KCNH1: variants seen among roughly 807,000 people sequenced by gnomAD.
KCNH1 encodes the protein voltage-gated delayed rectifier potassium channel KCNH1.
In KCNH1, 27 loss-of-function variants were observed where a neutral mutation model predicts 69.2. The observed-to-expected ratio is 0.39, with a 90% CI of 0.29 to 0.54. The LOEUF (loss-of-function observed/expected upper bound fraction) is 0.54. KCNH1 is among the 20% of genes least tolerant of loss of function. The pLI is 0.68. For synonymous variants in KCNH1, 456 were observed against 487.7 expected, an observed-to-expected ratio of 0.93 and a Z score of 0.86; for missense variants, 798 against 1,261.6, an observed-to-expected ratio of 0.63 and a Z score of 5.57.
intron 7 of KCNH1, among the ~76,000 whole-genome samples, chr1:210,893,100 A>G (rs940417852): frequency 2.6e-5 from 4 of 152,166 alleles, no homozygotes; most frequent in African/African-American, 7.2e-5. Flanking sequence ...CAGAAAGGCT[A>G]GTGTTCTTCA....
intron 10 of KCNH1, among the ~76,000 whole-genome samples, chr1:210,763,813 C>T (rs934499586): frequency 2.0e-5 from 3 of 152,046 alleles, no homozygotes; most frequent in African/African-American, 4.8e-5. Context: ...ACAGATTCAA[C>T]ACTATTCCTA....
intron 6 of KCNH1, among the ~76,000 whole-genome samples, chr1:210,961,479 C>T (rs945796672): frequency 6.6e-6 from 1 of 152,050 alleles, no homozygotes; most frequent in Non-Finnish European, 1.5e-5. Flanking sequence ...CTGATGAGTC[C>T]TTTTTATATC....
chr1:210,847,560 T>G (rs1685584606), intron 7 of KCNH1, among the ~76,000 whole-genome samples: 2 of 126,462 alleles, frequency 1.6e-5, no homozygotes, highest in African/African-American at 3.0e-5. Context: ...AAGGAGAACA[T>G]CACACAACGG....
chr1:210,872,227 C>T (rs1034905242), intron 7 of KCNH1, among the ~76,000 whole-genome samples: 6 of 149,256 alleles, frequency 4.0e-5, no homozygotes, highest in African/African-American at 1.2e-4. Flanking sequence ...ATGGTAAATG[C>T]TTAATAATTG....
intron 10 of KCNH1, among the ~76,000 whole-genome samples, chr1:210,714,025 T>A (rs1036479927): frequency 2.0e-5 from 3 of 152,156 alleles, no homozygotes; most frequent in Admixed American, 2.0e-4. Context: ...CATTTTTTTC[T>A]AACCTACGGG....
rs1364110169 is a variant in KCNH1, at chr1:210,683,721, A to G, written c.2530T>C (p.Cys844Arg). ...TTGTTCCAGTCCTCACTCTTCCCGC[A>G]AGCATCTTTGAAGCGGGCCCAGCTT... ...RKSWARFKDA[C>R]GKSEDWNKVS... is the part of the protein sequence containing the mutation. Residue 844 changes from cysteine to arginine, a missense_variant, in exon 11 of 11, where the codon TGC (cysteine) becomes CGC (arginine). Transcript: ENST00000271751. This position sits in a 1 kb window ranked among gnomAD's most constrained non-coding sequence, Gnocchi z 5.7. The G allele has an allele frequency of 1.2e-6, 2 of 1,614,116 alleles. No individual in the cohort carries two copies. Among genetic ancestry groups the G allele is most frequent in the Non-Finnish European group, 1.7e-6 (2 of 1,180,046 alleles).
At chr1:210,925,702 C>T (rs1687558270) in intron 6 of KCNH1, among the ~76,000 whole-genome samples, 1 of 152,234 alleles carries the variant, frequency 6.6e-6, no homozygotes, top group African/African-American at 2.4e-5. Flanking sequence ...ACACTCCCAA[C>T]TCCCACAGCA....
intron 6 of KCNH1, among the ~76,000 whole-genome samples, chr1:210,939,528 G>A (rs1687841708): frequency 6.6e-6 from 1 of 152,162 alleles, no homozygotes; most frequent in African/African-American, 2.4e-5. Context: ...TTGTCACACT[G>A]TCTTTATATT....
chr1:210,977,195 C>G (rs1374376072), intron 6 of KCNH1, among the ~76,000 whole-genome samples: 6 of 151,904 alleles, frequency 3.9e-5, no homozygotes, highest in African/African-American at 1.5e-4. Flanking sequence ...ATTGCAAGGA[C>G]AAAAAACCAA....
At chr1:211,026,230 A>G (rs1420254032) in intron 5 of KCNH1, among the ~76,000 whole-genome samples, 3 of 152,206 alleles carry the variant, frequency 2.0e-5, no homozygotes, top group Admixed American at 6.5e-5. Context: ...TAAAACAAAT[A>G]TAAGATGACT....
intron 7 of KCNH1, among the ~76,000 whole-genome samples, chr1:210,806,855 A>ATATATATATATAT (rs1553346606): frequency 3.9e-5 from 5 of 127,362 alleles, no homozygotes; most frequent in East Asian, 2.6e-4. Context: ...ATATATATAT[A>ATATATATATATAT]AATTTGCCGG....
At chr1:211,000,861 A>T (rs1247422622) in intron 6 of KCNH1, among the ~76,000 whole-genome samples, 1 of 151,878 alleles carries the variant, frequency 6.6e-6, no homozygotes, top group African/African-American at 2.4e-5. Flanking sequence ...TAATACCACA[A>T]ATCTACAACC....
chr1:210,971,520 C>G (rs569119605), intron 6 of KCNH1, among the ~76,000 whole-genome samples: 1 of 152,110 alleles, frequency 6.6e-6, no homozygotes, highest in Non-Finnish European at 1.5e-5. Context: ...ACATTACCTC[C>G]TATTTTACTG....
intron 6 of KCNH1, among the ~76,000 whole-genome samples, chr1:210,986,140 A>T (rs1164842093): frequency 3.3e-5 from 5 of 152,026 alleles, no homozygotes. Flanking sequence ...TGCTTAGTAG[A>T]TCTTCCTCCA....
At chr1:210,971,805 A>C (rs1688516963) in intron 6 of KCNH1, among the ~76,000 whole-genome samples, 1 of 152,118 alleles carries the variant, frequency 6.6e-6, no homozygotes, top group African/African-American at 2.4e-5. Context: ...TATATATTAT[A>C]TATGTACTTT....
At chr1:211,127,973 T>C (rs1007202399) in intron 1 of KCNH1, among the ~76,000 whole-genome samples, 1 of 152,154 alleles carries the variant, frequency 6.6e-6, no homozygotes, top group African/African-American at 2.4e-5. Flanking sequence ...ACAGTCATAC[T>C]ATAAAGCACG....
intron 5 of KCNH1, among the ~76,000 whole-genome samples, chr1:211,058,457 A>T (rs1405949214): frequency 6.6e-6 from 1 of 152,218 alleles, no homozygotes; most frequent in Non-Finnish European, 1.5e-5. Flanking sequence ...AAAGCAGGGG[A>T]TGAAGTTAAA....
intron 5 of KCNH1, among the ~76,000 whole-genome samples, chr1:211,077,792 C>A (rs1690764800): frequency 6.6e-6 from 1 of 152,054 alleles, no homozygotes; most frequent in Non-Finnish European, 1.5e-5. Context: ...CAAAATGCCC[C>A]AATTAAAAGA....
At chr1:210,862,324 T>C in intron 7 of KCNH1, 2 of 741,290 alleles carry the variant, frequency 2.7e-6, no homozygotes, top group South Asian at 1.5e-5. Context: ...TGAGTGCTAC[T>C]GGGCCAGGAA....
Sources: allele counts gnomAD v4.1 joint callset (sites outside exome capture counted in the v4.1 genomes callset), GRCh38; gene constraint gnomAD v4.1.1; non-coding constraint Gnocchi (gnomAD v3.1); transcripts MANE v1.5; gene names NCBI Gene and HGNC (gene_info 2026-07-23, HGNC 2026-07-21).